The following NFIB variants were observed in gnomAD, a reference collection of about 807,000 sequenced individuals.
The protein encoded by NFIB is nuclear factor 1 B-type.
In NFIB, 11 loss-of-function variants were observed where a neutral mutation model predicts 61.5. The ratio of observed to expected loss-of-function variants is 0.18; its 90% confidence interval spans 0.11 to 0.30. The LOEUF (loss-of-function observed/expected upper bound fraction) is 0.30, where lower values mean the gene tolerates loss of function less well. Among genes scored for constraint, NFIB ranks in the 10% least tolerant of loss-of-function variants. The probability of loss-of-function intolerance (pLI) is 1.00; values close to 1 mark genes in which losing one functional copy is unlikely to be tolerated. For synonymous variants in NFIB, 260 were observed against 216.5 expected (o/e 1.20, Z -1.76); for missense variants, 471 against 608.9 (o/e 0.77, Z 2.38).
intron 2 of NFIB, among the ~76,000 whole-genome samples, chr9:14,219,402 A>AAAAAAAAAAAAAC (rs2051359875): frequency 1.3e-5 from 2 of 151,128 alleles, no homozygotes; most frequent in Non-Finnish European, 3.0e-5. Flanking sequence ...AAAAAAAAAA[A>AAAAAAAAAAAAAC]AAGTCTAAGT....
In NFIB at chr9:14,231,567, CT is replaced by C. The variant is rs529159574; in HGVS notation, c.563-51788del. On this transcript the variant is annotated intron_variant, in intron 2 of 10. Coordinates refer to ENST00000380953, the MANE Select transcript of NFIB (RefSeq NM_001190737.2). ...TAAGTAAAAATTATTTACTCCAGGT[CT>C]ATTATGAAAAGAACAGATTAACTCC... Among the ~76,000 whole-genome samples, 391 of 152,204 alleles carry C rather than the reference CT, an allele frequency of 2.6e-3. 2 individuals are homozygous for C. The highest frequency in any genetic ancestry group is 1.4e-3 in the Non-Finnish European group (96 of 68,010).
the NFIB span, among the ~76,000 whole-genome samples, chr9:14,502,384 T>G: frequency 6.6e-6 from 1 of 152,136 alleles, no homozygotes; most frequent in Non-Finnish European, 1.5e-5. Flanking sequence ...GTCCTGAAAA[T>G]AAGAATATCT....
chr9:14,528,872 T>C, the NFIB span, among the ~76,000 whole-genome samples: 1 of 152,144 alleles, frequency 6.6e-6, no homozygotes, highest in Non-Finnish European at 1.5e-5. Flanking sequence ...AATAGTGCTG[T>C]TTAGGAGATA....
chr9:14,463,692 T>TGTCA, the NFIB span, among the ~76,000 whole-genome samples: 1 of 129,556 alleles, frequency 7.7e-6, no homozygotes, highest in Non-Finnish European at 1.6e-5. Context: ...TGAGACGGAG[T>TGTCA]CTCTGTCACC....
chr9:14,169,682 A>C (rs549035973), intron 3 of NFIB, among the ~76,000 whole-genome samples: 2 of 152,248 alleles, frequency 1.3e-5, no homozygotes, highest in African/African-American at 4.8e-5. Context: ...TTAGCCGGAC[A>C]CGGCCCATGC....
At chr9:14,158,618 T>G (rs573977830) in intron 3 of NFIB, among the ~76,000 whole-genome samples, 1 of 152,332 alleles carries the variant, frequency 6.6e-6, no homozygotes, top group East Asian at 1.9e-4. Context: ...ATTTTAAAAT[T>G]CAACTTTACA....
chr9:14,380,535 C>T (rs889427779), intron 1 of NFIB, among the ~76,000 whole-genome samples: 1 of 152,158 alleles, frequency 6.6e-6, no homozygotes, highest in African/African-American at 2.4e-5. Context: ...CTCCTAGAGT[C>T]AAGAACACTG....
chr9:14,313,180 T>C lies in NFIB; in HGVS notation c.30+302A>G, dbSNP rs2060366675. ...GGGATGCCGCACCACAACGGGCACT[T>C]GAGGGGCCGCACGGGGCCTCGCACT... On this transcript the variant is annotated intron_variant, in intron 1 of 10. Coordinates refer to ENST00000380953, the MANE Select transcript of NFIB (RefSeq NM_001190737.2). This position sits in a 1 kb window ranked among gnomAD's most constrained non-coding sequence, Gnocchi z 4.5. Among the ~76,000 whole-genome samples the C allele has an allele frequency of 6.6e-6, 1 of 152,022 alleles. No homozygotes were observed. The highest frequency in any genetic ancestry group is 1.5e-5 in the Non-Finnish European group (1 of 67,986).
chr9:14,252,553 C>T lies in NFIB; in HGVS notation c.562+54436G>A, dbSNP rs547740330. 2.6e-5 allele frequency among the ~76,000 whole-genome samples: 4 copies of T among 152,124 alleles called. No individual in the cohort carries two copies. The South Asian group carries it at 6.2e-4, about 24-fold the overall frequency. ...TATTTGTTAAAAAAAACAGAAACTG[C>T]TTCAGTTATAATATGTAAAAGAAAA... On this transcript the variant is annotated intron_variant, in intron 2 of 10. Transcript: ENST00000380953.
chr9:14,380,486 C>T (rs984173298), intron 1 of NFIB, among the ~76,000 whole-genome samples: 8 of 152,252 alleles, frequency 5.3e-5, no homozygotes, highest in South Asian at 2.1e-4. Flanking sequence ...GCATCAATTC[C>T]GAATTTATCC....
At chr9:14,147,976 T>C (rs1021828046) in intron 5 of NFIB, among the ~76,000 whole-genome samples, 5 of 152,028 alleles carry the variant, frequency 3.3e-5, no homozygotes, top group African/African-American at 1.2e-4. Flanking sequence ...ATATGACTCA[T>C]CTCAATGAAT....
chr9:14,458,534 A>C, the NFIB span, among the ~76,000 whole-genome samples: 6 of 152,330 alleles, frequency 3.9e-5, no homozygotes, highest in Non-Finnish European at 7.3e-5. Context: ...ATGCAGGAGA[A>C]GGAAATAAAA....
intron 2 of NFIB, among the ~76,000 whole-genome samples, chr9:14,282,566 G>C (rs1235028356): frequency 6.6e-6 from 1 of 152,200 alleles, no homozygotes; most frequent in Non-Finnish European, 1.5e-5. Context: ...ATAGTCTTTA[G>C]AGTGTGCTAA....
At chr9:14,492,138 T>C in the NFIB span, among the ~76,000 whole-genome samples, 79,011 of 151,774 alleles carry the variant, frequency 0.52, 21,989 homozygotes, top group African/African-American at 0.69. Flanking sequence ...CCAAGGCGGG[T>C]GGATCACAAG....
chr9:14,295,808 C>G (rs566463568), intron 2 of NFIB, among the ~76,000 whole-genome samples: 1 of 152,276 alleles, frequency 6.6e-6, no homozygotes, highest in East Asian at 1.9e-4. Context: ...ATTACGAGTA[C>G]TTGATAGGAC....
At chr9:14,386,474 T>TA (rs1446385456) in intron 1 of NFIB, among the ~76,000 whole-genome samples, 21 of 152,206 alleles carry the variant, frequency 1.4e-4, no homozygotes, top group African/African-American at 4.8e-4. Context: ...AGCACTATCT[T>TA]ACGCTACAGG....
chr9:14,339,585 G>C (rs1431199320), intron 1 of NFIB, among the ~76,000 whole-genome samples: 1 of 152,124 alleles, frequency 6.6e-6, no homozygotes, highest in Non-Finnish European at 1.5e-5. Flanking sequence ...ACTACCATCT[G>C]CAAATATCAT....
chr9:14,484,323 A>C, the NFIB span, among the ~76,000 whole-genome samples: 22 of 152,262 alleles, frequency 1.4e-4, no homozygotes, highest in South Asian at 4.1e-3. Flanking sequence ...AAATGTTATA[A>C]CTGAATAGAT....
intron 2 of NFIB, among the ~76,000 whole-genome samples, chr9:14,194,729 T>C (rs1395163412): frequency 6.6e-6 from 1 of 152,036 alleles, no homozygotes; most frequent in African/African-American, 2.4e-5. Context: ...ATGATATAAT[T>C]TGGCTGAGAA....
Sources: allele counts gnomAD v4.1 joint callset (sites outside exome capture counted in the v4.1 genomes callset), GRCh38; gene constraint gnomAD v4.1.1; non-coding constraint Gnocchi (gnomAD v3.1); transcripts MANE v1.5; gene names NCBI Gene and HGNC (gene_info 2026-07-23, HGNC 2026-07-21).